The following AGAP1 variants were observed in gnomAD, a reference collection of about 807,000 sequenced individuals.
AGAP1 encodes ArfGAP with GTPase domain, ankyrin repeat and PH domain 1.
In AGAP1, 29 loss-of-function variants were observed where a neutral mutation model predicts 105.3. That is an observed-to-expected ratio of 0.28 (90% CI 0.21 to 0.38). AGAP1 has a LOEUF of 0.38. Among genes scored for constraint, AGAP1 ranks in the 10% least tolerant of loss-of-function variants. The pLI, the probability that AGAP1 is intolerant of heterozygous loss-of-function variation, is 1.00. For synonymous variants in AGAP1, 509 were observed against 485.9 expected (o/e 1.05, Z -0.63); for missense variants, 998 against 1,165.1 (o/e 0.86, Z 2.09).
At chr2:235,810,466 C>T (rs961662315) in intron 9 of AGAP1, among the ~76,000 whole-genome samples, 14 of 152,090 alleles carry the variant, frequency 9.2e-5, no homozygotes, top group African/African-American at 3.4e-4. Flanking sequence ...CTCTTCTTTC[C>T]CCCAGCAGGA....
At chr2:235,853,191 A>G (rs2048551767) in intron 9 of AGAP1, 1 of 1,066,806 alleles carries the variant, frequency 9.4e-7, no homozygotes, top group Non-Finnish European at 1.1e-6. Context: ...AAACATTAAA[A>G]TCCAAGATTG....
rs1474095286 is a variant in AGAP1, at chr2:235,904,557, T to G, written c.1156-4181T>G. Among the ~76,000 whole-genome samples the G allele has an allele frequency of 6.6e-6, 1 of 152,176 alleles. No individual in the cohort carries two copies. Among genetic ancestry groups the G allele is most frequent in the African/African-American group, 2.4e-5 (1 of 41,440 alleles). ...GTTAAAGGGTTTTTCCTCTTTTATCTTCGATCAGCATTTTCAACAAGGAAC... is the reference window on the plus strand; with the variant it reads ...GTTAAAGGGTTTTTCCTCTTTTATCGTCGATCAGCATTTTCAACAAGGAAC... On this transcript the variant is annotated intron_variant, in intron 10 of 17. Transcript: ENST00000304032. The surrounding 1 kb of genome is among the most constrained non-coding windows in gnomAD (Gnocchi z 4.2).
intron 10 of AGAP1, among the ~76,000 whole-genome samples, chr2:235,907,083 C>T (rs540306559): frequency 6.6e-6 from 1 of 152,254 alleles, no homozygotes; most frequent in East Asian, 1.9e-4. Context: ...CTCGCTTTGG[C>T]CTCTCTGCTA....
At chr2:235,760,135 C>T (rs1220502395) in intron 6 of AGAP1, among the ~76,000 whole-genome samples, 4 of 152,158 alleles carry the variant, frequency 2.6e-5, no homozygotes, top group Admixed American at 2.0e-4. Flanking sequence ...AATCTAAGCA[C>T]TTTGGGAGGC....
chr2:236,049,438 T>C lies in AGAP1; in HGVS notation c.2114+157T>C, dbSNP rs907761424. ...GGCATAGGAATGTCTGTGTTTAAAG[T>C]TGGTCTTGAGCAGACGTGGATAATT... On this transcript the variant is annotated intron_variant, in intron 16 of 17. Coordinates refer to ENST00000304032, the MANE Select transcript of AGAP1 (RefSeq NM_001037131.3). 1.4e-5 allele frequency: 10 copies of C among 691,498 alleles called. No homozygotes were observed. The Admixed American group carries it at 2.3e-4, about 16-fold the overall frequency. 42.8% of individuals were successfully genotyped at this position (691,498 alleles called of 1,614,324 possible).
chr2:235,755,985 A>G (rs957828602), intron 6 of AGAP1, among the ~76,000 whole-genome samples: 3 of 152,208 alleles, frequency 2.0e-5, no homozygotes, highest in Non-Finnish European at 4.4e-5. Context: ...AGGCCAAGTC[A>G]TGTTCAAGGT....
Position 235,973,087 on chromosome 2 carries a change from A to C in AGAP1, c.1645+4464A>C, listed in dbSNP as rs2054720151. ...AAGGCTAATAGTAGGAATCATCAGTACCTGCTGCTGCAAACCCAGAAACAC... is the reference window on the plus strand; with the variant it reads ...AAGGCTAATAGTAGGAATCATCAGTCCCTGCTGCTGCAAACCCAGAAACAC... On this transcript the variant is annotated intron_variant, in intron 13 of 17. Transcript: ENST00000304032. The surrounding 1 kb of genome is among the most constrained non-coding windows in gnomAD (Gnocchi z 4.7). 6.6e-6 allele frequency among the ~76,000 whole-genome samples: 1 copy of C among 152,188 alleles called. No homozygotes were observed. The highest frequency in any genetic ancestry group is 2.1e-4 in the South Asian group (1 of 4,832).
rs758077484 is a variant in AGAP1 at position 235,957,561 on chromosome 2, T to A, written c.1484-10901T>A. Among the ~76,000 whole-genome samples the A allele has an allele frequency of 1.3e-5, 2 of 152,104 alleles. No homozygotes were observed. The highest frequency in any genetic ancestry group is 2.9e-5 in the Non-Finnish European group (2 of 68,032). ...CAGAGATGGGGAATTCAAGTCAACC[T>A]CCTCCCGCTGAAAGCTCCCGTCAAA... On this transcript the variant is annotated intron_variant, in intron 12 of 17. Transcript: ENST00000304032. The surrounding 1 kb of genome is among the most constrained non-coding windows in gnomAD (Gnocchi z 4.6).
At chr2:235,558,498 G>A (rs1422480015) in intron 1 of AGAP1, among the ~76,000 whole-genome samples, 1 of 152,120 alleles carries the variant, frequency 6.6e-6, no homozygotes, top group Non-Finnish European at 1.5e-5. Flanking sequence ...TTTCCAGAAT[G>A]TTCTCATGTC....
intron 1 of AGAP1, among the ~76,000 whole-genome samples, chr2:235,650,490 A>G (rs557566368): frequency 6.6e-6 from 1 of 152,084 alleles, no homozygotes; most frequent in African/African-American, 2.4e-5. Flanking sequence ...CATCCATTAT[A>G]TGTTAGTTGA....
intron 12 of AGAP1, among the ~76,000 whole-genome samples, chr2:235,954,551 G>T (rs984376898): frequency 6.7e-6 from 1 of 148,504 alleles, no homozygotes; most frequent in African/African-American, 2.5e-5. Context: ...TTACGGTTCT[G>T]TGTTGAGGTC....
rs2057686871 is a variant in AGAP1, at chr2:236,045,381, C to A, written c.1892-3678C>A. On this transcript the variant is annotated intron_variant, in intron 15 of 17. Coordinates refer to ENST00000304032, the MANE Select transcript of AGAP1 (RefSeq NM_001037131.3). This position sits in a 1 kb window ranked among gnomAD's most constrained non-coding sequence, Gnocchi z 6.9. ...GAACAGATGTAATTACAGCCAACACCTAACACTGTACTTCCCGTGGGGCAG... is the reference window on the plus strand; with the variant it reads ...GAACAGATGTAATTACAGCCAACACATAACACTGTACTTCCCGTGGGGCAG... 6.6e-6 allele frequency among the ~76,000 whole-genome samples: 1 copy of A among 152,234 alleles called. No individual in the cohort carries two copies. Among genetic ancestry groups the A allele is most frequent in the African/African-American group, 2.4e-5 (1 of 41,462 alleles).
chr2:235,759,391 G>C (rs79844625), intron 6 of AGAP1, among the ~76,000 whole-genome samples: 45,042 of 150,616 alleles, frequency 0.3, 7,864 homozygotes, highest in Non-Finnish European at 0.39. Flanking sequence ...GGATGGTCTT[G>C]ATCTCCTGAC....
intron 1 of AGAP1, among the ~76,000 whole-genome samples, chr2:235,592,986 G>T (rs751156987): frequency 2.0e-5 from 3 of 152,122 alleles, no homozygotes; most frequent in Non-Finnish European, 4.4e-5. Flanking sequence ...ACGGTGGCCG[G>T]GAGGGCTGCT....
intron 9 of AGAP1, among the ~76,000 whole-genome samples, chr2:235,868,580 C>A (rs1033261479): frequency 6.6e-6 from 1 of 152,198 alleles, no homozygotes; most frequent in Non-Finnish European, 1.5e-5. Flanking sequence ...AGGCCGGCAC[C>A]ATTTGGTCCC....
chr2:235,984,310 G>A (rs1044725381), intron 13 of AGAP1, among the ~76,000 whole-genome samples: 11 of 152,124 alleles, frequency 7.2e-5, no homozygotes, highest in Admixed American at 5.9e-4. Context: ...CACTTGGATT[G>A]TTTCCGCCTT....
intron 2 of AGAP1, among the ~76,000 whole-genome samples, chr2:235,715,943 C>G (rs1377799807): frequency 1.3e-5 from 2 of 152,024 alleles, no homozygotes; most frequent in Admixed American, 1.3e-4. Flanking sequence ...GTGGACCCAT[C>G]GAGGCGTGAA....
chr2:235,989,276 G>A lies in AGAP1; in HGVS notation c.1645+20653G>A, dbSNP rs1451429154. Among the ~76,000 whole-genome samples, 2 of 150,760 alleles carry A rather than the reference G, an allele frequency of 1.3e-5. No homozygotes were observed. The highest frequency in any genetic ancestry group is 4.0e-4 in the East Asian group (2 of 5,038). ...CAGGTACTGTGTAGAGGTCGCTGCT[G>A]CGTGTGGCTTCACCCAGCTCCTCTG... On this transcript the variant is annotated intron_variant, in intron 13 of 17. Transcript: ENST00000304032. This position sits in a 1 kb window ranked among gnomAD's most constrained non-coding sequence, Gnocchi z 4.4.
rs1264771952 is a variant in AGAP1, at chr2:235,824,535, T to A, written c.1050+17204T>A. Among the ~76,000 whole-genome samples the A allele has an allele frequency of 6.6e-6, 1 of 152,226 alleles. No individual in the cohort carries two copies. Among genetic ancestry groups the A allele is most frequent in the African/African-American group, 2.4e-5 (1 of 41,458 alleles). On this transcript the variant is annotated intron_variant, in intron 9 of 17. Coordinates refer to ENST00000304032, the MANE Select transcript of AGAP1 (RefSeq NM_001037131.3). This position sits in a 1 kb window ranked among gnomAD's most constrained non-coding sequence, Gnocchi z 5.2. Reference sequence around the variant, plus strand: ...GTGTTAGGACCATCATTGAGATGCTTATTGCAGGAGAAATTAAAGATACAA... The same window carrying A: ...GTGTTAGGACCATCATTGAGATGCTAATTGCAGGAGAAATTAAAGATACAA...
Sources: allele counts gnomAD v4.1 joint callset (sites outside exome capture counted in the v4.1 genomes callset), GRCh38; gene constraint gnomAD v4.1.1; non-coding constraint Gnocchi (gnomAD v3.1); transcripts MANE v1.5; gene names NCBI Gene and HGNC (gene_info 2026-07-23, HGNC 2026-07-21).